Variants in LRP1B observed in about 807,000 individuals in gnomAD.
The protein encoded by LRP1B is LDL receptor related protein 1B, also known as low-density lipoprotein receptor-related protein 1B.
A neutral mutation model predicts 556.6 loss-of-function variants in LRP1B; 217 were observed. The observed-to-expected ratio is 0.39, with a 90% CI of 0.35 to 0.44. The LOEUF (loss-of-function observed/expected upper bound fraction) is 0.44, where lower values mean the gene tolerates loss of function less well. Among genes scored for constraint, LRP1B ranks in the 20% least tolerant of loss-of-function variants. The pLI is 1.00. For synonymous variants in LRP1B, 2,047 were observed against 1,865.8 expected (o/e 1.10, Z -2.50); for missense variants, 5,053 against 5,620.8 (o/e 0.90, Z 3.23).
intron 43 of LRP1B, among the ~76,000 whole-genome samples, chr2:140,547,591 T>G (rs2105038209): frequency 6.6e-6 from 1 of 152,224 alleles, no homozygotes; most frequent in Middle Eastern, 3.4e-3. Flanking sequence ...ATTAATTTTT[T>G]TTTCAGAAAA....
chr2:141,621,383 A>G (rs1688500301), intron 2 of LRP1B, among the ~76,000 whole-genome samples: 1 of 152,320 alleles, frequency 6.6e-6, no homozygotes, highest in African/African-American at 2.4e-5. Flanking sequence ...AAATGACTTG[A>G]TAAGACAGAA....
intron 82 of LRP1B, among the ~76,000 whole-genome samples, chr2:140,315,791 G>T (rs973953991): frequency 6.6e-6 from 1 of 152,092 alleles, no homozygotes; most frequent in Non-Finnish European, 1.5e-5. Context: ...TAGCCTATGC[G>T]TGTGTGAATA....
At chr2:140,388,335 T>C (rs1305850316) in intron 66 of LRP1B, among the ~76,000 whole-genome samples, 1 of 152,162 alleles carries the variant, frequency 6.6e-6, no homozygotes, top group African/African-American at 2.4e-5. Context: ...AATCCAGTTT[T>C]ATAGCACTGA....
At chr2:141,041,893 A>G (rs72849577) in intron 11 of LRP1B, among the ~76,000 whole-genome samples, 1,969 of 152,070 alleles carry the variant, frequency 0.013, 23 homozygotes, top group Non-Finnish European at 0.016. Flanking sequence ...ATTTTTTTTA[A>G]AAAGTAGCAT....
At chr2:140,426,224 G>T (rs1035255319) in intron 66 of LRP1B, among the ~76,000 whole-genome samples, 1 of 152,114 alleles carries the variant, frequency 6.6e-6, no homozygotes, top group Non-Finnish European at 1.5e-5. Context: ...GCTTTGAAAT[G>T]ACATATTCCC....
chr2:141,277,224 C>T (rs1258449193), intron 3 of LRP1B, among the ~76,000 whole-genome samples: 1 of 152,152 alleles, frequency 6.6e-6, no homozygotes, highest in Non-Finnish European at 1.5e-5. Context: ...ACCTACTTTC[C>T]ACAGTGGTTG....
At chr2:142,015,377 T>G (rs1703087716) in intron 1 of LRP1B, among the ~76,000 whole-genome samples, 1 of 152,154 alleles carries the variant, frequency 6.6e-6, no homozygotes, top group South Asian at 2.1e-4. Flanking sequence ...TAACTCCAGA[T>G]GGATTAAAGA....
At chr2:141,852,991 TA>T (rs1163329386) in intron 1 of LRP1B, among the ~76,000 whole-genome samples, 1 of 151,462 alleles carries the variant, frequency 6.6e-6, no homozygotes, top group Non-Finnish European at 1.5e-5. Context: ...ATATATACAT[TA>T]AAAAAATGGA....
At chr2:140,897,495 A>C (rs1005334053) in intron 23 of LRP1B, among the ~76,000 whole-genome samples, 34 of 152,228 alleles carry the variant, frequency 2.2e-4, no homozygotes, top group African/African-American at 8.0e-4. Flanking sequence ...AATTGGACTG[A>C]AGGATGCAAA....
At chr2:141,061,961 C>T in intron 8 of LRP1B, 90 bp downstream of exon 8, 3 of 1,008,112 alleles carry the variant, frequency 3.0e-6, no homozygotes. Context: ...TGCAGCTCGA[C>T]TTTACAAGAA....
At chr2:142,008,518 C>G (rs891893694) in intron 1 of LRP1B, among the ~76,000 whole-genome samples, 14 of 139,016 alleles carry the variant, frequency 1.0e-4, no homozygotes, top group African/African-American at 3.4e-4. Context: ...GACATGGTGA[C>G]TTTTTTTTTT....
chr2:141,550,975 T>C (rs1034138349), intron 2 of LRP1B, among the ~76,000 whole-genome samples: 1 of 152,022 alleles, frequency 6.6e-6, no homozygotes, highest in Non-Finnish European at 1.5e-5. Context: ...ACAATAAAAA[T>C]TTACATCCTA....
chr2:140,310,635 T>TATACAATGTGGAAAG (rs1684258459), intron 83 of LRP1B, among the ~76,000 whole-genome samples: 1 of 151,504 alleles, frequency 6.6e-6, no homozygotes, highest in South Asian at 2.1e-4. Context: ...TTAACAGAAA[T>TATACAATGTGGAAAG]ATACAATGTG....
chr2:140,657,792 C>T (rs998587778), intron 41 of LRP1B, among the ~76,000 whole-genome samples: 18 of 151,370 alleles, frequency 1.2e-4, no homozygotes, highest in Non-Finnish European at 2.7e-4. Flanking sequence ...AACAAAAGAG[C>T]CTTTATCTCT....
chr2:140,828,173 T>C (rs1691575071), intron 31 of LRP1B, among the ~76,000 whole-genome samples: 1 of 151,890 alleles, frequency 6.6e-6, no homozygotes, highest in Non-Finnish European at 1.5e-5. Flanking sequence ...AAGAAAACAA[T>C]TGAAGGTCTA....
intron 7 of LRP1B, among the ~76,000 whole-genome samples, chr2:141,134,562 G>A (rs1044484649): frequency 6.6e-6 from 1 of 151,578 alleles, no homozygotes; most frequent in African/African-American, 2.4e-5. Context: ...TCTCTTTGGA[G>A]CCTTATCTGT....
At chr2:140,680,638 T>C (rs568487456) in intron 41 of LRP1B, among the ~76,000 whole-genome samples, 1 of 152,168 alleles carries the variant, frequency 6.6e-6, no homozygotes, top group Non-Finnish European at 1.5e-5. Context: ...CTTAAGAACA[T>C]TGCATCATCA....
At chr2:141,304,852 C>T (rs1035955369) in intron 3 of LRP1B, among the ~76,000 whole-genome samples, 1 of 152,008 alleles carries the variant, frequency 6.6e-6, no homozygotes, top group African/African-American at 2.4e-5. Context: ...ACTATTTATT[C>T]AAAAGGGTAT....
chr2:140,816,348 C>G (rs947422952), intron 31 of LRP1B, among the ~76,000 whole-genome samples: 11 of 151,854 alleles, frequency 7.2e-5, no homozygotes, highest in African/African-American at 2.2e-4. Flanking sequence ...GATCTCTTGA[C>G]CTCATGATCC....
Sources: gnomAD v4.1 joint callset for allele counts (sites outside exome capture counted in the v4.1 genomes callset) on GRCh38, gnomAD v4.1.1 for gene constraint, MANE v1.5 for transcripts, NCBI Gene and HGNC (gene_info 2026-07-23, HGNC 2026-07-21) for gene names.